AFF1: variants seen among roughly 807,000 people sequenced by gnomAD.
AFF1 encodes the protein AF4/FMR2 family member 1.
AFF1 carries 48 observed loss-of-function variants against 121.7 expected under a neutral mutation model. The observed-to-expected ratio is 0.39, with a 90% CI of 0.31 to 0.50. The LOEUF is 0.50. Among genes scored for constraint, AFF1 ranks in the 20% least tolerant of loss-of-function variants. The pLI, the probability that AFF1 is intolerant of heterozygous loss-of-function variation, is 0.76. For missense variants in AFF1, 1,523 were observed against 1,511.7 expected (o/e 1.01, Z -0.12); for synonymous variants, 613 against 563.0 (o/e 1.09, Z -1.26).
rs560591859 is a variant in AFF1 at position 86,946,910 on chromosome 4, T to TG, written c.-36-1587dup. ...TTGAGCATCTTCACTGGGAGGGTAA[T>TG]GTGGGGAACTGCCATCAGGGACTCT... On this transcript the variant is annotated intron_variant, in intron 1 of 20. Transcript: ENST00000395146. 3.1e-4 allele frequency among the ~76,000 whole-genome samples: 47 copies of TG among 152,170 alleles called. No homozygotes were observed. The South Asian group carries it at 9.8e-3, about 32-fold the overall frequency.
At chr4:87,046,114 T>G in intron 2 of AFF1, 52 bp from the exon 3 acceptor site, 1 of 1,605,036 alleles carries the variant, frequency 6.2e-7, no homozygotes, top group Non-Finnish European at 8.5e-7. Context: ...CTGACAAAAC[T>G]TGGAGACTGA....
At chr4:87,081,103 T>C (rs913241670) in intron 4 of AFF1, among the ~76,000 whole-genome samples, 15 of 151,424 alleles carry the variant, frequency 9.9e-5, no homozygotes, top group Admixed American at 8.6e-4. Context: ...GTAAAAGGTA[T>C]GTGGGAAATC....
intron 1 of AFF1, among the ~76,000 whole-genome samples, chr4:86,945,193 G>A (rs1279716655): frequency 2.0e-5 from 3 of 152,200 alleles, no homozygotes; most frequent in Non-Finnish European, 2.9e-5. Context: ...TAGGGGCATG[G>A]AGGCTGATAG....
chr4:87,043,759 T>C (rs1217369221), intron 2 of AFF1, among the ~76,000 whole-genome samples: 1 of 152,248 alleles, frequency 6.6e-6, no homozygotes, highest in Non-Finnish European at 1.5e-5. Flanking sequence ...TATTGCAATA[T>C]CCATCATCTA....
intron 2 of AFF1, among the ~76,000 whole-genome samples, chr4:87,004,355 A>G (rs1578037493): frequency 6.6e-6 from 1 of 152,220 alleles, no homozygotes; most frequent in Admixed American, 6.5e-5. Context: ...CATTTTAGAT[A>G]TTATTTACTA....
intron 5 of AFF1, among the ~76,000 whole-genome samples, chr4:87,087,308 T>C (rs1054571796): frequency 1.4e-4 from 21 of 152,298 alleles, no homozygotes; most frequent in Admixed American, 4.6e-4. Context: ...GGAAGAGAAA[T>C]ACATAGTGTT....
chr4:87,063,174 A>C (rs895684576), intron 4 of AFF1, among the ~76,000 whole-genome samples: 7 of 146,154 alleles, frequency 4.8e-5, no homozygotes, highest in Non-Finnish European at 7.5e-5. Flanking sequence ...CTACATCATA[A>C]TTATAGCAGT....
chr4:87,055,410 A>G (rs911389869), intron 4 of AFF1, among the ~76,000 whole-genome samples: 8 of 152,182 alleles, frequency 5.3e-5, no homozygotes, highest in Non-Finnish European at 1.2e-4. Context: ...TTCACTTTCT[A>G]TTCCTTCTCG....
At chr4:87,036,977 G>C (rs1395036803) in intron 2 of AFF1, among the ~76,000 whole-genome samples, 1 of 152,044 alleles carries the variant, frequency 6.6e-6, no homozygotes, top group Non-Finnish European at 1.5e-5. Context: ...GACTACAGGA[G>C]TGTGCCACCA....
intron 4 of AFF1, among the ~76,000 whole-genome samples, chr4:87,053,550 C>A (rs190479603): frequency 1.3e-5 from 2 of 152,200 alleles, no homozygotes; most frequent in African/African-American, 2.4e-5. Flanking sequence ...AACCTTCAGG[C>A]GGTTTACTTC....
intron 12 of AFF1, among the ~76,000 whole-genome samples, 191 bp downstream of exon 12, chr4:87,115,490 A>G (rs1727013074): frequency 6.6e-6 from 1 of 151,828 alleles, no homozygotes. Flanking sequence ...GCAGATGGGC[A>G]TTAACACGTG....
chr4:87,058,657 A>G (rs555157042), intron 4 of AFF1, among the ~76,000 whole-genome samples: 50 of 152,144 alleles, frequency 3.3e-4, no homozygotes, highest in Non-Finnish European at 4.4e-4. Flanking sequence ...ATGATAGTCT[A>G]TAGTTACATT....
At chr4:87,051,633 TG>T (rs1731272379) in intron 4 of AFF1, among the ~76,000 whole-genome samples, 1 of 151,950 alleles carries the variant, frequency 6.6e-6, no homozygotes, top group Non-Finnish European at 1.5e-5. Flanking sequence ...GCTAATTTTT[TG>T]TGTATATATT....
At chr4:87,110,836 G>T (rs1343838849) in intron 11 of AFF1, among the ~76,000 whole-genome samples, 1 of 151,738 alleles carries the variant, frequency 6.6e-6, no homozygotes, top group Admixed American at 6.6e-5. Context: ...CCAATTTGCA[G>T]TATTTGGATT....
chr4:87,055,961 T>C (rs1720090641), intron 4 of AFF1, among the ~76,000 whole-genome samples: 1 of 152,264 alleles, frequency 6.6e-6, no homozygotes, highest in South Asian at 2.1e-4. Context: ...TTTGTTCCTT[T>C]CTTTAATTGT....
Position 86,972,321 on chromosome 4 carries a change from A to G in AFF1, c.38+23750A>G, listed in dbSNP as rs777463830. 4.1e-4 allele frequency among the ~76,000 whole-genome samples: 62 copies of G among 152,060 alleles called. 1 individual carries two copies. Among genetic ancestry groups the G allele is most frequent in the Admixed American group, 1.2e-3 (19 of 15,258 alleles). On this transcript the variant is annotated intron_variant, in intron 2 of 20. Coordinates refer to ENST00000395146, the MANE Select transcript of AFF1 (RefSeq NM_001166693.3). Reference sequence around the variant, plus strand: ...AGAAAAGAAAGAGGAAGGCAGTGGGAAAAGTAGATGGAACCATTCCATCTA... The same window carrying G: ...AGAAAAGAAAGAGGAAGGCAGTGGGGAAAGTAGATGGAACCATTCCATCTA...
intron 11 of AFF1, among the ~76,000 whole-genome samples, chr4:87,109,897 C>T (rs918537043): frequency 6.6e-6 from 1 of 152,148 alleles, no homozygotes; most frequent in Non-Finnish European, 1.5e-5. Context: ...GGCTTGGGGA[C>T]AGTATGTGTT....
At chr4:87,028,083 GAAAAA>G (rs371455418) in intron 2 of AFF1, among the ~76,000 whole-genome samples, 30 of 151,440 alleles carry the variant, frequency 2.0e-4, no homozygotes, top group African/African-American at 7.3e-4. Context: ...CCAAAAAAAA[GAAAAA>G]AAATTGAAAC....
At chr4:87,114,220 C>T (rs1415260744) in intron 11 of AFF1, 147 bp from the exon 12 acceptor site, 1 of 647,840 alleles carries the variant, frequency 1.5e-6, no homozygotes, top group Non-Finnish European at 2.5e-6. Context: ...GAACTTATAA[C>T]TTGAGGAGGA....
Sources: gnomAD v4.1 joint callset for allele counts (sites outside exome capture counted in the v4.1 genomes callset) on GRCh38, gnomAD v4.1.1 for gene constraint, MANE v1.5 for transcripts, NCBI Gene and HGNC (gene_info 2026-07-23, HGNC 2026-07-21) for gene names.